GPC6: variants seen among roughly 807,000 people sequenced by gnomAD.
The protein encoded by GPC6 is glypican-6.
In GPC6, 14 loss-of-function variants were observed where a neutral mutation model predicts 55.2. The ratio of observed to expected loss-of-function variants is 0.25; its 90% CI spans 0.17 to 0.40. The LOEUF (loss-of-function observed/expected upper bound fraction) is 0.40, where lower values mean the gene tolerates loss of function less well. Among genes scored for constraint, GPC6 ranks in the 10% least tolerant of loss-of-function variants. The pLI, the probability that GPC6 is intolerant of heterozygous loss-of-function variation, is 1.00. For missense variants in GPC6, 641 were observed against 708.5 expected, an observed-to-expected ratio of 0.90 and a Z score of 1.08; for synonymous variants, 278 against 259.6, an observed-to-expected ratio of 1.07 and a Z score of -0.68.
intron 1 of GPC6, among the ~76,000 whole-genome samples, chr13:93,508,069 G>C (rs906238094): frequency 1.3e-5 from 2 of 152,140 alleles, no homozygotes; most frequent in Admixed American, 1.3e-4. Context: ...AGGGAGAGAA[G>C]ATTTAATTAA....
intron 2 of GPC6, among the ~76,000 whole-genome samples, chr13:93,792,721 G>A (rs1886083146): frequency 1.3e-5 from 2 of 152,188 alleles, no homozygotes; most frequent in African/African-American, 2.4e-5. Flanking sequence ...AGGGAAGGGA[G>A]TACTCAAGCT....
At position 94,218,837 on chromosome 13, in the gene GPC6, A is replaced by G. The variant is rs9589931; in HGVS notation, c.878-67512A>G. Among the ~76,000 whole-genome samples, 1,373 of 152,258 alleles carry G rather than the reference A, an allele frequency of 9.0e-3. 17 individuals carry two copies. The highest frequency in any genetic ancestry group is 0.03 in the African/African-American group (1,236 of 41,548). Reference sequence around the variant, plus strand: ...GCAGATTCCATGGCATTCTCAACCTATTCCAATTCAGTTGGTCTGGGGTAG... The same window carrying G: ...GCAGATTCCATGGCATTCTCAACCTGTTCCAATTCAGTTGGTCTGGGGTAG... On this transcript the variant is annotated intron_variant, in intron 4 of 8. Coordinates refer to ENST00000377047, the MANE Select transcript of GPC6 (RefSeq NM_005708.5).
At chr13:93,617,820 C>T (rs1264890053) in intron 2 of GPC6, among the ~76,000 whole-genome samples, 1 of 152,024 alleles carries the variant, frequency 6.6e-6, no homozygotes, top group Non-Finnish European at 1.5e-5. Context: ...ATGGTTATAA[C>T]ACATGCCTTA....
chr13:93,248,348 C>A (rs1271535783), intron 1 of GPC6, among the ~76,000 whole-genome samples: 1 of 149,784 alleles, frequency 6.7e-6, no homozygotes, highest in Admixed American at 6.7e-5. Flanking sequence ...GCTTAGTCCC[C>A]TAAAGGATAT....
intron 3 of GPC6, among the ~76,000 whole-genome samples, chr13:94,012,458 C>T (rs939255747): frequency 6.6e-6 from 1 of 152,154 alleles, no homozygotes; most frequent in African/African-American, 2.4e-5. Flanking sequence ...AACTAGATAG[C>T]ATTAATGCAA....
rs778049147 is a variant in GPC6, at chr13:93,364,694, T to TAC, written c.160+137079_160+137080insCA. 2.0e-3 allele frequency among the ~76,000 whole-genome samples: 290 copies of TAC among 141,966 alleles called. 4 individuals are homozygous for TAC. The highest frequency in any genetic ancestry group is 0.019 in the Middle Eastern group (5 of 270). The allele number at this position is 141,966 out of a possible 152,430, so 93.1% of individuals were successfully genotyped here. A position where few individuals can be genotyped will look rare whatever the true frequency, so the allele number is the denominator to read the frequency against. ...AAATATGTGTGTGTGTGTATATATA[T>TAC]ATACACACACACATATATATACACA... is the stretch of plus-strand genomic sequence containing the variant. On this transcript the variant is annotated intron_variant, in intron 1 of 8. Transcript: ENST00000377047.
chr13:93,461,502 C>G (rs2139315171), intron 1 of GPC6, among the ~76,000 whole-genome samples: 1 of 152,268 alleles, frequency 6.6e-6, no homozygotes, highest in East Asian at 1.9e-4. Flanking sequence ...AGGGTACCTA[C>G]ATACTGTTTC....
At chr13:93,446,372 T>G (rs2139295479) in intron 1 of GPC6, among the ~76,000 whole-genome samples, 1 of 152,066 alleles carries the variant, frequency 6.6e-6, no homozygotes, top group African/African-American at 2.4e-5. Flanking sequence ...TGAGATCATC[T>G]TTGTTAGGTA....
intron 2 of GPC6, among the ~76,000 whole-genome samples, chr13:93,671,269 C>CT (rs756116513): frequency 9.1e-4 from 131 of 144,376 alleles, no homozygotes; most frequent in South Asian, 8.8e-4. Context: ...GGCACTGAAA[C>CT]TTTTTTTTTT....
At chr13:93,904,260 A>G (rs567795208) in intron 3 of GPC6, among the ~76,000 whole-genome samples, 1 of 152,322 alleles carries the variant, frequency 6.6e-6, no homozygotes, top group East Asian at 1.9e-4. Context: ...ATGAGGTTCA[A>G]GAGTAGAACT....
intron 1 of GPC6, among the ~76,000 whole-genome samples, chr13:93,513,951 GC>G (rs1280637014): frequency 2.2e-5 from 3 of 135,842 alleles, no homozygotes; most frequent in Non-Finnish European, 4.5e-5. Flanking sequence ...TTGGCTCACT[GC>G]AACCTCCACC....
chr13:93,905,032 T>G (rs1876566629), intron 3 of GPC6, among the ~76,000 whole-genome samples: 1 of 150,430 alleles, frequency 6.6e-6, no homozygotes. Flanking sequence ...TGGTGTTTGG[T>G]TTTTTGTTCT....
intron 1 of GPC6, among the ~76,000 whole-genome samples, chr13:93,307,235 TG>T (rs1878888716): frequency 6.6e-6 from 1 of 152,130 alleles, no homozygotes; most frequent in Non-Finnish European, 1.5e-5. Context: ...ATTTCTGGTA[TG>T]GGTGAAATTA....
chr13:93,632,724 C>G (rs1879516126), intron 2 of GPC6, among the ~76,000 whole-genome samples: 1 of 151,428 alleles, frequency 6.6e-6, no homozygotes, highest in African/African-American at 2.4e-5. Context: ...ACGATAGACA[C>G]AAAACCACTA....
intron 2 of GPC6, among the ~76,000 whole-genome samples, chr13:93,689,173 T>C (rs1882161432): frequency 6.6e-6 from 1 of 152,070 alleles, no homozygotes; most frequent in African/African-American, 2.4e-5. Flanking sequence ...CAGGTTTCTA[T>C]TTAATAGCAC....
chr13:93,795,038 T>C (rs1886155562), intron 2 of GPC6, among the ~76,000 whole-genome samples: 2 of 152,190 alleles, frequency 1.3e-5, no homozygotes, highest in Admixed American at 6.5e-5. Context: ...ATGATTCTAG[T>C]TGAACCAAAC....
intron 2 of GPC6, among the ~76,000 whole-genome samples, chr13:93,746,545 A>G (rs1177560129): frequency 1.3e-5 from 2 of 152,202 alleles, no homozygotes; most frequent in Non-Finnish European, 1.5e-5. Flanking sequence ...TATTATCACC[A>G]TAACAGGAAA....
chr13:93,834,346 A>G (rs1227688362), intron 3 of GPC6, among the ~76,000 whole-genome samples: 1 of 152,232 alleles, frequency 6.6e-6, no homozygotes, highest in Admixed American at 6.5e-5. Flanking sequence ...ACATCAAGTC[A>G]TCTAAAATAC....
chr13:94,136,185 T>A (rs1157752257), intron 4 of GPC6, among the ~76,000 whole-genome samples: 1 of 130,604 alleles, frequency 7.7e-6, no homozygotes, highest in Admixed American at 7.6e-5. Context: ...AAGTTTAGCA[T>A]CTTTTTTTTT....
Sources: allele counts gnomAD v4.1 joint callset (sites outside exome capture counted in the v4.1 genomes callset), GRCh38; gene constraint gnomAD v4.1.1; transcripts MANE v1.5; gene names NCBI Gene and HGNC (gene_info 2026-07-23, HGNC 2026-07-21).